The following OR10A6 variants were observed in gnomAD, a reference collection of about 807,000 sequenced individuals.
OR10A6 encodes the protein olfactory receptor 10A6.
In OR10A6, 2 loss-of-function variants were observed where a neutral mutation model predicts 1.5. The ratio of observed to expected loss-of-function variants is 1.31; its 90% CI spans 0.54 to 4.13. OR10A6 has a LOEUF of 4.13. OR10A6 is among the 30% of genes most tolerant of loss of function. The pLI is 0.07. For missense variants in OR10A6, 492 were observed against 368.6 expected (o/e 1.33, Z -2.74); for synonymous variants, 169 against 137.3 (o/e 1.23, Z -1.61).
rs773430607 is a variant in OR10A6, at chr11:7,928,807, T to A, written c.-145A>T. 2.2e-6 allele frequency: 1 copy of A among 459,632 alleles called. No homozygotes were observed. The highest frequency in any genetic ancestry group is 3.7e-6 in the Non-Finnish European group (1 of 271,844). 28.5% of individuals were successfully genotyped at this position (459,632 alleles called of 1,614,324 possible). On this transcript the variant is annotated 5_prime_UTR_variant, in exon 4 of 4. Transcript: ENST00000641238. ...AGCCTATCCTGACAGAAATTTTCTTTGGCAATTTTAGACAATGACCAAATA... is the reference window on the plus strand; with the variant it reads ...AGCCTATCCTGACAGAAATTTTCTTAGGCAATTTTAGACAATGACCAAATA...
Position 7,925,886 on chromosome 11 carries a change from T to C in OR10A6, c.*1832A>G, listed in dbSNP as rs1859387910. 1 of 152,238 alleles carries C rather than the reference T, an allele frequency of 6.6e-6. No homozygotes were observed. Among genetic ancestry groups the C allele is most frequent in the Non-Finnish European group, 1.5e-5 (1 of 68,052 alleles). 9.4% of individuals were successfully genotyped at this position (152,238 alleles called of 1,614,324 possible). On this transcript the variant is annotated 3_prime_UTR_variant, in exon 4 of 4. Transcript: ENST00000641238. ...TGCCTAGGCAGATGGGGTGGGTTCC[T>C]GGTGAAACCCCACCTCTAAACAAAA... is the stretch of plus-strand genomic sequence containing the variant.
rs139817215 is a variant in OR10A6 at position 7,928,430 on chromosome 11, A to G, written c.233T>C (p.Met78Thr). 60 of 1,613,580 alleles carry G rather than the reference A, an allele frequency of 3.7e-5. 1 individual carries two copies. The highest frequency in any genetic ancestry group is 2.0e-4 in the African/African-American group (15 of 74,916). ...VVDLSFSAVI[M>T]PEMLVVLSTE... Reference sequence around the variant, plus strand: ...AGAGAGGACCACCAGCATTTCAGGCATAATAACTGCACTGAAACTCAGGTC... The same window carrying G: ...AGAGAGGACCACCAGCATTTCAGGCGTAATAACTGCACTGAAACTCAGGTC... The change falls in exon 4 of 4, where the codon ATG (methionine) becomes ACG (threonine). Residue 78 changes from methionine to threonine, a missense_variant. Physicochemically the swap from Met to Thr is moderately conservative, Grantham distance 81 (BLOSUM62 -1). Coordinates refer to ENST00000641238, the MANE Select transcript of OR10A6 (RefSeq NM_001004461.2).
rs984035914 is a variant in OR10A6 at position 7,927,455 on chromosome 11, CA to C, written c.*262del. ...GTTGTTTTAGTATTATCTATTGTGA[CA>C]AAAAAATAACCATCAGTAGGGCTAC... On this transcript the variant is annotated 3_prime_UTR_variant, in exon 4 of 4. Coordinates refer to ENST00000641238, the MANE Select transcript of OR10A6 (RefSeq NM_001004461.2). 8.4e-5 allele frequency: 30 copies of C among 356,924 alleles called. No homozygotes were observed. Among genetic ancestry groups the C allele is most frequent in the Middle Eastern group, 7.5e-4 (1 of 1,332 alleles). 22.1% of individuals were successfully genotyped at this position (356,924 alleles called of 1,614,324 possible). A position where few individuals can be genotyped will look rare whatever the true frequency, so the allele number is the denominator to read the frequency against.
At position 7,926,282 on chromosome 11, in the gene OR10A6, A is replaced by T. The variant is rs1289118911; in HGVS notation, c.*1436T>A. 6.6e-6 allele frequency: 1 copy of T among 152,138 alleles called. No individual in the cohort carries two copies. Among genetic ancestry groups the T allele is most frequent in the Non-Finnish European group, 1.5e-5 (1 of 68,096 alleles). The allele number at this position is 152,138 out of a possible 1,614,324, so 9.4% of individuals were successfully genotyped here. On this transcript the variant is annotated 3_prime_UTR_variant, in exon 4 of 4. Coordinates refer to ENST00000641238, the MANE Select transcript of OR10A6 (RefSeq NM_001004461.2). ...TCTTCTCCACCATCCTTACCCTTCA[A>T]TGCCCAGCATATCCTCATTCTTCTT...
Position 7,927,711 on chromosome 11 carries a change from AAC to A in OR10A6, c.*5_*6del, listed in dbSNP as rs1859435928. On this transcript the variant is annotated 3_prime_UTR_variant, in exon 4 of 4. Transcript: ENST00000641238. ...GTGACTAAATCTTACATGGCTTCTC[AAC>A]ACAGTCAGATTGTGTGTAAAACCAC... is the stretch of plus-strand genomic sequence containing the variant. 7.6e-6 allele frequency: 12 copies of A among 1,585,788 alleles called. No homozygotes were observed. Among genetic ancestry groups the A allele is most frequent in the Non-Finnish European group, 1.0e-5 (12 of 1,155,398 alleles).
In OR10A6 at chr11:7,926,142, A is replaced by G. The variant is rs1244107908; in HGVS notation, c.*1576T>C. On this transcript the variant is annotated 3_prime_UTR_variant, in exon 4 of 4. Coordinates refer to ENST00000641238, the MANE Select transcript of OR10A6 (RefSeq NM_001004461.2). ...AAACCAGCATGTACTTCCCATTTTG[A>G]GTCCCTAAAAGGTCCTGGACCCAGC... 6.6e-6 allele frequency: 1 copy of G among 152,176 alleles called. No homozygotes were observed. The highest frequency in any genetic ancestry group is 2.4e-5 in the African/African-American group (1 of 41,410). The allele number at this position is 152,176 out of a possible 1,614,324, so 9.4% of individuals were successfully genotyped here. A position where few individuals can be genotyped will look rare whatever the true frequency, so the allele number is the denominator to read the frequency against.
Position 7,928,708 on chromosome 11 carries a change from C to T in OR10A6, c.-46G>A. ...ATTGATTTTATGGACATAGTATATA[C>T]AGAATAAAGCCACAGTCCATTAGCT... On this transcript the variant is annotated 5_prime_UTR_variant, in exon 4 of 4. Coordinates refer to ENST00000641238, the MANE Select transcript of OR10A6 (RefSeq NM_001004461.2). 1 of 1,377,750 alleles carries T rather than the reference C, an allele frequency of 7.3e-7. No individual in the cohort carries two copies. The highest frequency in any genetic ancestry group is 9.9e-7 in the Non-Finnish European group (1 of 1,011,130). 85.3% of individuals were successfully genotyped at this position (1,377,750 alleles called of 1,614,324 possible).
rs1419540316 is a variant in OR10A6 at position 7,926,534 on chromosome 11, C to A, written c.*1184G>T. On this transcript the variant is annotated 3_prime_UTR_variant, in exon 4 of 4. Coordinates refer to ENST00000641238, the MANE Select transcript of OR10A6 (RefSeq NM_001004461.2). Reference sequence around the variant, plus strand: ...TTTGCAACTTCACCTTTATTTTTGGCAGAAGGAGTAGTGAAGAAAAGAAGG... The same window carrying A: ...TTTGCAACTTCACCTTTATTTTTGGAAGAAGGAGTAGTGAAGAAAAGAAGG... The A allele has an allele frequency of 6.6e-6, 1 of 152,024 alleles. No individual in the cohort carries two copies. Among genetic ancestry groups the A allele is most frequent in the Admixed American group, 6.6e-5 (1 of 15,258 alleles). The allele number at this position is 152,024 out of a possible 1,614,324, so 9.4% of individuals were successfully genotyped here. A position where few individuals can be genotyped will look rare whatever the true frequency, so the allele number is the denominator to read the frequency against.
At position 7,928,440 on chromosome 11, in the gene OR10A6, C is replaced by T. The variant is rs1437086657; in HGVS notation, c.223G>A (p.Ala75Thr). ...ACCAGCATTTCAGGCATAATAACTG[C>T]ACTGAAACTCAGGTCCACCACAGAT... is the stretch of plus-strand genomic sequence containing the variant. ...NLSVVDLSFS[A>T]VIMPEMLVVL... Residue 75 changes from alanine to threonine, a missense_variant, in exon 4 of 4, where the codon GCA (alanine) becomes ACA (threonine). By Grantham distance (58) the Ala-to-Thr change is moderately conservative (BLOSUM62 0). Coordinates refer to ENST00000641238, the MANE Select transcript of OR10A6 (RefSeq NM_001004461.2). 6.2e-7 allele frequency: 1 copy of T among 1,613,300 alleles called. No homozygotes were observed. Among genetic ancestry groups the T allele is most frequent in the East Asian group, 2.2e-5 (1 of 44,888 alleles).
In OR10A6 at chr11:7,931,223, ATAC is replaced by A. The variant is rs1859528011; in HGVS notation, c.-1939_-1937del. The A allele has an allele frequency of 6.6e-6, 1 of 152,204 alleles. No homozygotes were observed. Among genetic ancestry groups the A allele is most frequent in the South Asian group, 2.1e-4 (1 of 4,830 alleles). 9.4% of individuals were successfully genotyped at this position (152,204 alleles called of 1,614,324 possible). A position where few individuals can be genotyped will look rare whatever the true frequency, so the allele number is the denominator to read the frequency against. ...TGTTGACTCTGTCTCTTTAATTTTC[ATAC>A]TACTTTATCAGAAGATTCACCTGTA... On this transcript the variant is annotated 5_prime_UTR_variant, in exon 1 of 4. The change creates a new upstream start codon in the 5' untranslated region. Coordinates refer to ENST00000641238, the MANE Select transcript of OR10A6 (RefSeq NM_001004461.2).
At position 7,926,508 on chromosome 11, in the gene OR10A6, A is replaced by T. The variant is rs573013269; in HGVS notation, c.*1210T>A. 1.3e-5 allele frequency: 2 copies of T among 152,282 alleles called. No homozygotes were observed. Among genetic ancestry groups the T allele is most frequent in the East Asian group, 3.9e-4 (2 of 5,186 alleles). The allele number at this position is 152,282 out of a possible 1,614,324, so 9.4% of individuals were successfully genotyped here. On this transcript the variant is annotated 3_prime_UTR_variant, in exon 4 of 4. Transcript: ENST00000641238. ...CTCTCTTTTTTTGAAATTCAAATAG[A>T]TTTGCAACTTCACCTTTATTTTTGG...
rs2133605866 is a variant in OR10A6 at position 7,927,536 on chromosome 11, C to T, written c.*182G>A. The T allele has an allele frequency of 3.9e-6, 2 of 518,390 alleles. No homozygotes were observed. The highest frequency in any genetic ancestry group is 7.6e-5 in the South Asian group (2 of 26,470). The allele number at this position is 518,390 out of a possible 1,614,324, so 32.1% of individuals were successfully genotyped here. A position where few individuals can be genotyped will look rare whatever the true frequency, so the allele number is the denominator to read the frequency against. ...ATTCAATATTAAGGAATATTATGCA[C>T]TGGTGAAAAAACTAAAAACATTAAC... On this transcript the variant is annotated 3_prime_UTR_variant, in exon 4 of 4. Coordinates refer to ENST00000641238, the MANE Select transcript of OR10A6 (RefSeq NM_001004461.2).
rs925010740 is a variant in OR10A6, at chr11:7,924,918, G to C, written c.*2800C>G. On this transcript the variant is annotated 3_prime_UTR_variant, in exon 4 of 4. Coordinates refer to ENST00000641238, the MANE Select transcript of OR10A6 (RefSeq NM_001004461.2). ...GTCACATTTTTAAAGAGTTTTCATA[G>C]ACACCCTACTCAAGGATGTCCACCT... is the stretch of plus-strand genomic sequence containing the variant. 7 of 152,112 alleles carry C rather than the reference G, an allele frequency of 4.6e-5. No individual in the cohort carries two copies. Among genetic ancestry groups the C allele is most frequent in the Admixed American group, 2.0e-4 (3 of 15,248 alleles). 9.4% of individuals were successfully genotyped at this position (152,112 alleles called of 1,614,324 possible). A position where few individuals can be genotyped will look rare whatever the true frequency, so the allele number is the denominator to read the frequency against.
At position 7,927,878 on chromosome 11, in the gene OR10A6, G is replaced by T. The variant is rs776774152; in HGVS notation, c.785C>A (p.Pro262His). 7.4e-6 allele frequency: 12 copies of T among 1,613,848 alleles called. No homozygotes were observed. The highest frequency in any genetic ancestry group is 5.3e-5 in the African/African-American group (4 of 74,904). The change falls in exon 4 of 4, where the codon CCC (proline) becomes CAC (histidine). Residue 262 changes from proline to histidine, a missense_variant. Pro to His is a moderately conservative substitution (Grantham distance 77). Transcript: ENST00000641238. ...GGTTTCCGGTGAGTAGCCAGATTTG[G>T]GTTGTAAATAAGTCATACTGGCTGT... ...YGTASMTYLQ[P>H]KSGYSPETKK...
At position 7,929,178 on chromosome 11, in the gene OR10A6, C is replaced by T. The variant is rs1031874667; in HGVS notation, c.-516G>A. 1.3e-5 allele frequency: 2 copies of T among 152,222 alleles called. No individual in the cohort carries two copies. The highest frequency in any genetic ancestry group is 2.9e-5 in the Non-Finnish European group (2 of 68,138). 9.4% of individuals were successfully genotyped at this position (152,222 alleles called of 1,614,324 possible). A position where few individuals can be genotyped will look rare whatever the true frequency, so the allele number is the denominator to read the frequency against. On this transcript the variant is annotated 5_prime_UTR_variant, in exon 4 of 4. Transcript: ENST00000641238. ...AAAATATTAATTAGATTCAAAGTACCTATATATGACTTGGAGAAAGAAAAC... is the reference window on the plus strand; with the variant it reads ...AAAATATTAATTAGATTCAAAGTACTTATATATGACTTGGAGAAAGAAAAC...
rs2133607298 is a variant in OR10A6, at chr11:7,928,219, T to A, written c.444A>T (p.Ser148=). The A allele has an allele frequency of 6.2e-7, 1 of 1,611,510 alleles. No individual in the cohort carries two copies. The change falls in exon 4 of 4, where the codon TCA becomes TCT. Residue 148 remains serine, a synonymous_variant. Transcript: ENST00000641238. The part of the protein sequence containing the change: ...KGVFMKLIIF[S]WALGFMLGTV... ...TACCTAACATAAAACCTAAGGCCCATGAAAATATAATTAATTTCATAAAAA... is the reference window on the plus strand; with the variant it reads ...TACCTAACATAAAACCTAAGGCCCAAGAAAATATAATTAATTTCATAAAAA...
rs1049901939 is a variant in OR10A6 at position 7,929,129 on chromosome 11, A to G, written c.-467T>C. 1.3e-5 allele frequency: 2 copies of G among 153,220 alleles called. No homozygotes were observed. The highest frequency in any genetic ancestry group is 1.3e-4 in the Admixed American group (2 of 15,306). The allele number at this position is 153,220 out of a possible 1,614,324, so 9.5% of individuals were successfully genotyped here. ...TAATAGCCTAATAATCCAATGTTACAGCATATTTGATATAAACTTATTTAA... is the reference window on the plus strand; with the variant it reads ...TAATAGCCTAATAATCCAATGTTACGGCATATTTGATATAAACTTATTTAA... On this transcript the variant is annotated 5_prime_UTR_variant, in exon 4 of 4. Transcript: ENST00000641238.
chr11:7,927,696 C>A lies in OR10A6; in HGVS notation c.*22G>T. 1 of 1,522,074 alleles carries A rather than the reference C, an allele frequency of 6.6e-7. No individual in the cohort carries two copies. Among genetic ancestry groups the A allele is most frequent in the Non-Finnish European group, 9.1e-7 (1 of 1,101,056 alleles). The allele number at this position is 1,522,074 out of a possible 1,614,324, so 94.3% of individuals were successfully genotyped here. ...GAATACAGTCATGCAGTGACTAAATCTTACATGGCTTCTCAACACAGTCAG... is the reference window on the plus strand; with the variant it reads ...GAATACAGTCATGCAGTGACTAAATATTACATGGCTTCTCAACACAGTCAG... On this transcript the variant is annotated 3_prime_UTR_variant, in exon 4 of 4. Coordinates refer to ENST00000641238, the MANE Select transcript of OR10A6 (RefSeq NM_001004461.2).
At position 7,929,695 on chromosome 11, in the gene OR10A6, T is replaced by A. The variant is rs10444314; in HGVS notation, c.-1033A>T. 1 of 136,160 alleles carries A rather than the reference T, an allele frequency of 7.3e-6. No individual in the cohort carries two copies. Among genetic ancestry groups the A allele is most frequent in the East Asian group, 2.2e-4 (1 of 4,492 alleles). The allele number at this position is 136,160 out of a possible 1,614,324, so 8.4% of individuals were successfully genotyped here. A position where few individuals can be genotyped will look rare whatever the true frequency, so the allele number is the denominator to read the frequency against. ...GTACCGCATACCCCAGGACTTTCTC[T>A]TTCTTTCTCTCTCTCTTTCTATGTG... On this transcript the variant is annotated 5_prime_UTR_variant, in exon 4 of 4. In the 5' UTR this introduces an upstream ATG that the reference lacks. Transcript: ENST00000641238.
Sources: allele counts gnomAD v4.1 joint callset, GRCh38; gene constraint gnomAD v4.1.1; transcripts MANE v1.5; gene names NCBI Gene and HGNC (gene_info 2026-07-23, HGNC 2026-07-21).